Variants in PCDH15 observed in about 807,000 individuals in gnomAD.
The protein encoded by PCDH15 is protocadherin-15.
PCDH15 carries 129 observed loss-of-function variants against 178.5 expected under a neutral mutation model. The ratio of observed to expected loss-of-function variants is 0.72; its 90% CI spans 0.63 to 0.84. The LOEUF (loss-of-function observed/expected upper bound fraction) is 0.84, where lower values mean the gene tolerates loss of function less well. PCDH15 is among the 40% of genes least tolerant of loss of function. The pLI is 0.00. For missense variants in PCDH15, 2,230 were observed against 2,099.9 expected (o/e 1.06, Z -1.21); for synonymous variants, 800 against 732.0 (o/e 1.09, Z -1.50).
intron 17 of PCDH15, among the ~76,000 whole-genome samples, chr10:54,074,656 A>C (rs1455903581): frequency 6.6e-6 from 1 of 152,194 alleles, no homozygotes; most frequent in Admixed American, 6.6e-5. Flanking sequence ...TGCTATGAAC[A>C]TGGGAATACA....
At chr10:54,525,467 T>A (rs1027424391) in intron 3 of PCDH15, among the ~76,000 whole-genome samples, 1 of 152,210 alleles carries the variant, frequency 6.6e-6, no homozygotes, top group African/African-American at 2.4e-5. Flanking sequence ...TCTTTCTTTT[T>A]TTCAGACAGG....
intron 3 of PCDH15, among the ~76,000 whole-genome samples, chr10:54,496,182 T>G (rs774813264): frequency 6.6e-6 from 1 of 152,158 alleles, no homozygotes; most frequent in African/African-American, 2.4e-5. Context: ...TCACTAGTAT[T>G]ACTTCAGTTT....
intron 1 of PCDH15, among the ~76,000 whole-genome samples, chr10:54,675,217 T>G (rs1312898449): frequency 1.3e-5 from 2 of 152,146 alleles, no homozygotes; most frequent in East Asian, 3.9e-4. Flanking sequence ...CCTATTAAAA[T>G]GATACAGACA....
intron 2 of PCDH15, among the ~76,000 whole-genome samples, chr10:55,327,822 T>G (rs1844074389): frequency 6.6e-6 from 1 of 151,996 alleles, no homozygotes; most frequent in African/African-American, 2.4e-5. Flanking sequence ...TAAAAATGTG[T>G]TTGTTTTTTT....
At chr10:54,747,995 C>A (rs891623673) in intron 1 of PCDH15, among the ~76,000 whole-genome samples, 2 of 151,898 alleles carry the variant, frequency 1.3e-5, no homozygotes, top group African/African-American at 4.8e-5. Context: ...TTAGTAGACA[C>A]GGGGTTTTAC....
intron 1 of PCDH15, among the ~76,000 whole-genome samples, chr10:54,762,435 G>T (rs1287897375): frequency 3.3e-5 from 5 of 152,052 alleles, no homozygotes; most frequent in South Asian, 2.1e-4. Flanking sequence ...AGAAAATAAA[G>T]TGTTCTTATG....
intron 8 of PCDH15, among the ~76,000 whole-genome samples, chr10:54,274,866 C>T (rs1179126471): frequency 6.6e-6 from 1 of 151,864 alleles, no homozygotes; most frequent in Non-Finnish European, 1.5e-5. Flanking sequence ...TGATCAATTA[C>T]TTTAAAGTAG....
intron 2 of PCDH15, among the ~76,000 whole-genome samples, chr10:55,620,280 T>C (rs1843564695): frequency 6.6e-6 from 1 of 152,138 alleles, no homozygotes; most frequent in Admixed American, 6.5e-5. Flanking sequence ...GTGAGAAGCT[T>C]GGGAATTGTA....
chr10:53,965,676 CAGG>C (rs1427474812), intron 21 of PCDH15, among the ~76,000 whole-genome samples: 1 of 152,126 alleles, frequency 6.6e-6, no homozygotes, highest in African/African-American at 2.4e-5. Flanking sequence ...ACCTCCAGAA[CAGG>C]AGGTCAATGA....
At chr10:55,289,569 T>C (rs776833283) in intron 1 of PCDH15, among the ~76,000 whole-genome samples, 9 of 151,846 alleles carry the variant, frequency 5.9e-5, no homozygotes, top group Non-Finnish European at 1.2e-4. Flanking sequence ...GAAGAAAACA[T>C]TACTCTAGAG....
At chr10:54,934,779 C>G (rs961067331) in intron 2 of PCDH15, among the ~76,000 whole-genome samples, 5 of 151,714 alleles carry the variant, frequency 3.3e-5, no homozygotes, top group African/African-American at 1.2e-4. Context: ...CACATGCACA[C>G]GTATGTTTAT....
intron 2 of PCDH15, among the ~76,000 whole-genome samples, chr10:55,129,984 G>C (rs1281067853): frequency 6.6e-6 from 1 of 151,990 alleles, no homozygotes; most frequent in Non-Finnish European, 1.5e-5. Context: ...CAGTCACTTT[G>C]GTAAATATAT....
rs1564445299 is a variant in PCDH15, at chr10:55,542,514, A to C, written c.-156+85111T>G. ...CAAAAATTACATATGTACAGTATGT[A>C]TATATGTACACATGTACATATGTAC... On this transcript the variant is annotated intron_variant, in intron 2 of 5. Transcript: ENST00000613346. Among the ~76,000 whole-genome samples, 3 of 150,812 alleles carry C rather than the reference A, an allele frequency of 2.0e-5. No individual in the cohort carries two copies. In the South Asian group the frequency reaches 6.3e-4, roughly 31 times the overall value.
intron 2 of PCDH15, among the ~76,000 whole-genome samples, chr10:54,645,279 T>TAG (rs1379351413): frequency 2.0e-5 from 3 of 151,826 alleles, no homozygotes; most frequent in African/African-American, 7.2e-5. Flanking sequence ...TAGCCGGTGG[T>TAG]AGAGAGATGA....
chr10:55,330,687 CTCA>C (rs1196022791), intron 2 of PCDH15, among the ~76,000 whole-genome samples: 4 of 151,886 alleles, frequency 2.6e-5, no homozygotes, highest in Non-Finnish European at 5.9e-5. Flanking sequence ...CAATGTGTGA[CTCA>C]TCATTACATT....
chr10:55,023,053 T>G (rs912566787), intron 2 of PCDH15, among the ~76,000 whole-genome samples: 6 of 152,174 alleles, frequency 3.9e-5, no homozygotes, highest in Non-Finnish European at 5.9e-5. Flanking sequence ...GCCATTCTCC[T>G]GCCTCAGCCT....
At chr10:54,531,038 T>C (rs1168744984) in intron 2 of PCDH15, among the ~76,000 whole-genome samples, 4 of 152,122 alleles carry the variant, frequency 2.6e-5, no homozygotes, top group Non-Finnish European at 5.9e-5. Context: ...TATGAAAATA[T>C]CCAAATGTAA....
chr10:54,494,828 C>T (rs544552434), intron 3 of PCDH15, among the ~76,000 whole-genome samples: 110 of 151,980 alleles, frequency 7.2e-4, no homozygotes, highest in African/African-American at 2.6e-3. Context: ...CAAGGAAAGT[C>T]AGAGGCAAGG....
chr10:55,208,383 T>C (rs1322011066), intron 1 of PCDH15, among the ~76,000 whole-genome samples: 17 of 152,000 alleles, frequency 1.1e-4, no homozygotes, highest in Admixed American at 1.0e-3. Context: ...ATTCAAACTT[T>C]TTCCACTCAA....
Sources: allele counts gnomAD v4.1 joint callset (sites outside exome capture counted in the v4.1 genomes callset), GRCh38; gene constraint gnomAD v4.1.1; transcripts MANE v1.5; gene names NCBI Gene and HGNC (gene_info 2026-07-23, HGNC 2026-07-21).